The following ZDHHC5 variants were observed in gnomAD, a reference collection of about 807,000 sequenced individuals.
ZDHHC5 encodes zDHHC palmitoyltransferase 5.
Under a neutral mutation model 70.0 loss-of-function variants are expected in ZDHHC5, and 22 were observed. The ratio of observed to expected loss-of-function variants is 0.31; its 90% confidence interval spans 0.22 to 0.45. The LOEUF (loss-of-function observed/expected upper bound fraction) is 0.45. Ranked by LOEUF, ZDHHC5 falls within the 20% of genes least tolerant of loss-of-function variation. ZDHHC5 has a pLI of 1.00. For synonymous variants in ZDHHC5, 313 were observed against 347.8 expected (o/e 0.90, Z 1.11); for missense variants, 746 against 926.9 (o/e 0.80, Z 2.53).
chr11:57,696,087 G>T, intron 9 of ZDHHC5, 44 bp downstream of exon 9: 1 of 1,581,672 alleles, frequency 6.3e-7, no homozygotes, highest in Admixed American at 1.9e-5. Flanking sequence ...CTAGGGGCAG[G>T]ATTGAGAAGG....
chr11:57,692,725 G>C, intron 7 of ZDHHC5, 23 bp downstream of exon 7: 1 of 1,612,618 alleles, frequency 6.2e-7, no homozygotes, highest in Non-Finnish European at 8.5e-7. Flanking sequence ...CTCTGGTCTA[G>C]TGTTTACCAT....
intron 2 of ZDHHC5, among the ~76,000 whole-genome samples, chr11:57,675,699 C>G (rs763477956): frequency 3.9e-5 from 6 of 152,210 alleles, no homozygotes; most frequent in African/African-American, 9.6e-5. Flanking sequence ...TTATCTTACT[C>G]TAGCACCTAG....
intron 7 of ZDHHC5, among the ~76,000 whole-genome samples, chr11:57,692,933 C>G (rs970503708): frequency 6.6e-6 from 1 of 151,976 alleles, no homozygotes; most frequent in African/African-American, 2.4e-5. Context: ...CAGCAGGGAC[C>G]GGTTTCATGG....
rs1158497728 is a variant in ZDHHC5 at position 57,690,324 on chromosome 11, T to A, written c.558-11T>A. 2 of 1,614,146 alleles carry A rather than the reference T, an allele frequency of 1.2e-6. No homozygotes were observed. The highest frequency in any genetic ancestry group is 2.2e-5 in the South Asian group (2 of 91,086). On this transcript the variant is annotated splice_polypyrimidine_tract_variant and intron_variant, in intron 5 of 11. Transcript: ENST00000287169. ...CATGTTGCTCTGTTCTCCTTGATTG[T>A]TTGGCATCAGAATGGCAGTAATGTG...
intron 6 of ZDHHC5, among the ~76,000 whole-genome samples, chr11:57,691,337 G>A (rs1395298418): frequency 6.6e-6 from 1 of 152,028 alleles, no homozygotes; most frequent in Non-Finnish European, 1.5e-5. Context: ...CTCCCAAAGT[G>A]CTAAAATATC....
chr11:57,680,087 G>C (rs1293641967), intron 2 of ZDHHC5, among the ~76,000 whole-genome samples: 4 of 152,142 alleles, frequency 2.6e-5, no homozygotes, highest in African/African-American at 9.7e-5. Flanking sequence ...GAGTTGCTTT[G>C]CCTAAAAATG....
intron 7 of ZDHHC5, 113 bp downstream of exon 7, chr11:57,692,815 CT>C: frequency 9.5e-7 from 1 of 1,057,054 alleles, no homozygotes; most frequent in Non-Finnish European, 1.4e-6. Context: ...GGTTCTCTAT[CT>C]TAGAATGTTA....
In ZDHHC5 at chr11:57,698,827, G is replaced by A. The variant is rs199708132; in HGVS notation, c.1391G>A (p.Arg464His). Residue 464 changes from arginine to histidine, a missense_variant, in exon 11 of 12, where the codon CGC becomes CAC. By Grantham distance (29) the Arg-to-His change is conservative. Around this residue, in one of 6 missense-constraint regions of ZDHHC5, gnomAD observed 340 missense variants for 350.1 expected, o/e 0.97. Transcript: ENST00000287169. The stretch of plus-strand genomic sequence containing the variant: ...TATAAGAGCCTGGCCAACCAGACAC[G>A]CAATGGAAGCCTATCTTATGACAGC... ...TSYKSLANQTRNGSLSYDSLL... is the reference protein window; with the variant it reads ...TSYKSLANQTHNGSLSYDSLL... 3.7e-6 allele frequency: 6 copies of A among 1,614,082 alleles called. No individual in the cohort carries two copies. In the African/African-American group the frequency reaches 8.0e-5, roughly 22 times the overall value.
chr11:57,669,588 C>G (rs1389068506), intron 1 of ZDHHC5, among the ~76,000 whole-genome samples: 2 of 152,142 alleles, frequency 1.3e-5, no homozygotes, highest in Non-Finnish European at 2.9e-5. Context: ...TCCCTAGTAG[C>G]TGGGATTTCA....
At chr11:57,687,816 G>C (rs546504713) in intron 3 of ZDHHC5, among the ~76,000 whole-genome samples, 8 of 135,632 alleles carry the variant, frequency 5.9e-5, no homozygotes, top group Non-Finnish European at 1.1e-4. Context: ...TGTTGCCCAG[G>C]CTTGAGTGCA....
intron 1 of ZDHHC5, among the ~76,000 whole-genome samples, chr11:57,668,957 A>G (rs1436271057): frequency 6.6e-6 from 1 of 152,254 alleles, no homozygotes; most frequent in Non-Finnish European, 1.5e-5. Context: ...TATACGTTAT[A>G]CGCTAGACTA....
intron 7 of ZDHHC5, 42 bp from the exon 8 acceptor site, chr11:57,693,741 C>T: frequency 6.7e-7 from 1 of 1,502,948 alleles, no homozygotes. Flanking sequence ...TGAATGAAAG[C>T]TCTCTCGCTG....
At chr11:57,676,909 ATTTTTTTT>A (rs72474322) in intron 2 of ZDHHC5, among the ~76,000 whole-genome samples, 27 of 80,984 alleles carry the variant, frequency 3.3e-4, no homozygotes, top group East Asian at 2.0e-3. Context: ...GCTTCACGTG[ATTTTTTTT>A]TTTTTTTTTT....
chr11:57,670,077 AACAAT>A (rs1945985386), intron 1 of ZDHHC5, among the ~76,000 whole-genome samples: 2 of 152,188 alleles, frequency 1.3e-5, no homozygotes, highest in African/African-American at 4.8e-5. Context: ...AAATATATGA[AACAAT>A]ATATAGTATC....
chr11:57,680,276 C>G (rs1946133024), intron 2 of ZDHHC5, among the ~76,000 whole-genome samples: 1 of 152,126 alleles, frequency 6.6e-6, no homozygotes, highest in African/African-American at 2.4e-5. Context: ...ACCCAGGAGG[C>G]TGGGGTGGGA....
intron 4 of ZDHHC5, among the ~76,000 whole-genome samples, chr11:57,689,721 T>G (rs1053300727): frequency 6.6e-6 from 1 of 150,580 alleles, no homozygotes. Context: ...CTTGCTATGT[T>G]GCCCAGTACA....
rs746146074 is a variant in ZDHHC5 at position 57,687,756 on chromosome 11, GTTTTTT to G, written c.227-731_227-726del. ...GAGTAGGGGAAGACATTTTGGGAAAGTTTTTTTTTTTTTTTTTTTTTTTTTTAAGAT... is the reference window on the plus strand; with the variant it reads ...GAGTAGGGGAAGACATTTTGGGAAAGTTTTTTTTTTTTTTTTTTTTAAGAT... On this transcript the variant is annotated intron_variant, in intron 3 of 11. Coordinates refer to ENST00000287169, the MANE Select transcript of ZDHHC5 (RefSeq NM_015457.3). Among the ~76,000 whole-genome samples the G allele has an allele frequency of 1.3e-3, 101 of 75,290 alleles. 1 individual carries two copies. The highest frequency in any genetic ancestry group is 5.2e-3 in the African/African-American group (99 of 19,088). 49.4% of individuals were successfully genotyped at this position (75,290 alleles called of 152,430 possible). A position where few individuals can be genotyped will look rare whatever the true frequency, so the allele number is the denominator to read the frequency against.
At chr11:57,679,368 G>A (rs1946117657) in intron 2 of ZDHHC5, among the ~76,000 whole-genome samples, 1 of 152,044 alleles carries the variant, frequency 6.6e-6, no homozygotes, top group Admixed American at 6.6e-5. Context: ...CACCATGTTG[G>A]CCAGGCTGGT....
In ZDHHC5 at chr11:57,698,863, C is replaced by T. The variant is rs1250434113; in HGVS notation, c.1427C>T (p.Pro476Leu). 1 of 1,614,216 alleles carries T rather than the reference C, an allele frequency of 6.2e-7. No individual in the cohort carries two copies. The highest frequency in any genetic ancestry group is 1.1e-5 in the South Asian group (1 of 91,080). Residue 476 changes from proline to leucine, a missense_variant, in exon 11 of 12, where the codon CCT (proline) becomes CTT (leucine). Pro to Leu is a moderately conservative substitution (Grantham distance 98). Transcript: ENST00000287169. ...CTATCTTATGACAGCTTGCTCACAC[C>T]TTCAGACAGCCCTGATTTTGAGTCA... The part of the protein sequence containing the change: ...GSLSYDSLLT[P>L]SDSPDFESVQ...
Sources: allele counts gnomAD v4.1 joint callset (sites outside exome capture counted in the v4.1 genomes callset), GRCh38; gene constraint gnomAD v4.1.1; regional missense constraint gnomAD v4.1.1; transcripts MANE v1.5; gene names NCBI Gene and HGNC (gene_info 2026-07-23, HGNC 2026-07-21).